The following ADAMTS3 variants were observed in gnomAD, a reference collection of about 807,000 sequenced individuals.
ADAMTS3 encodes the protein A disintegrin and metalloproteinase with thrombospondin motifs 3.
A neutral mutation model predicts 129.0 loss-of-function variants in ADAMTS3; 73 were observed. The ratio of observed to expected loss-of-function variants is 0.57; its 90% CI spans 0.47 to 0.69. The LOEUF is 0.69. ADAMTS3 is among the 30% of genes least tolerant of loss of function. The probability of loss-of-function intolerance (pLI) is 0.00; values close to 1 mark genes in which losing one functional copy is unlikely to be tolerated. For synonymous variants in ADAMTS3, 477 were observed against 510.8 expected (o/e 0.93, Z 0.89); for missense variants, 1,457 against 1,514.5 (o/e 0.96, Z 0.63).
chr4:72,461,167 A>G (rs1718758877), intron 3 of ADAMTS3, among the ~76,000 whole-genome samples: 1 of 151,730 alleles, frequency 6.6e-6, no homozygotes, highest in Non-Finnish European at 1.5e-5. Context: ...AAAACCCATT[A>G]AGAAGAATGT....
At chr4:72,482,628 A>G (rs1719469431) in intron 3 of ADAMTS3, among the ~76,000 whole-genome samples, 3 of 152,180 alleles carry the variant, frequency 2.0e-5, no homozygotes, top group Admixed American at 6.5e-5. Flanking sequence ...TGGTAATATC[A>G]TACTGTAGTT....
intron 10 of ADAMTS3, 73 bp from the exon 11 acceptor site, chr4:72,316,044 A>C (rs1719387757): frequency 2.4e-6 from 2 of 839,410 alleles, no homozygotes; most frequent in Non-Finnish European, 3.7e-6. Flanking sequence ...TATTCTATAC[A>C]GTTTCTTCTG....
At chr4:72,295,532 T>A (rs1718781872) in intron 19 of ADAMTS3, 122 bp downstream of exon 19, 1 of 1,002,066 alleles carries the variant, frequency 1.0e-6, no homozygotes, top group Non-Finnish European at 1.4e-6. Flanking sequence ...TGAAGTGACT[T>A]GACTATTTAA....
chr4:72,393,787 G>C (rs1442747237), intron 4 of ADAMTS3, among the ~76,000 whole-genome samples: 1 of 152,174 alleles, frequency 6.6e-6, no homozygotes, highest in Non-Finnish European at 1.5e-5. Context: ...TTAATGAACT[G>C]ATGATCCAGG....
At chr4:72,517,553 G>C (rs1421727976) in intron 3 of ADAMTS3, among the ~76,000 whole-genome samples, 1 of 152,100 alleles carries the variant, frequency 6.6e-6, no homozygotes, top group Non-Finnish European at 1.5e-5. Context: ...CTTCTTCCTG[G>C]TTTAGTCTTG....
At chr4:72,478,510 T>G (rs1181189236) in intron 3 of ADAMTS3, among the ~76,000 whole-genome samples, 2 of 149,448 alleles carry the variant, frequency 1.3e-5, no homozygotes, top group Non-Finnish European at 1.5e-5. Flanking sequence ...TGCTAAAAAC[T>G]CTCAATAAAT....
intron 3 of ADAMTS3, among the ~76,000 whole-genome samples, chr4:72,517,192 G>C (rs1169707865): frequency 1.3e-5 from 2 of 152,152 alleles, no homozygotes; most frequent in African/African-American, 2.4e-5. Flanking sequence ...AAGCCCACTT[G>C]ATCATGGTGG....
intron 3 of ADAMTS3, among the ~76,000 whole-genome samples, chr4:72,456,899 G>A (rs1718637784): frequency 6.6e-6 from 1 of 151,656 alleles, no homozygotes; most frequent in Non-Finnish European, 1.5e-5. Flanking sequence ...AAAGACAAAA[G>A]AAAGTCTTTG....
intron 3 of ADAMTS3, among the ~76,000 whole-genome samples, chr4:72,469,456 A>G (rs1408483943): frequency 6.6e-6 from 1 of 152,102 alleles, no homozygotes; most frequent in Non-Finnish European, 1.5e-5. Context: ...AGTTGTTGTG[A>G]GAATTAAAGG....
At chr4:72,480,826 T>C (rs973953796) in intron 3 of ADAMTS3, among the ~76,000 whole-genome samples, 2 of 150,242 alleles carry the variant, frequency 1.3e-5, no homozygotes, top group Non-Finnish European at 3.0e-5. Context: ...AAGGAACTCA[T>C]TAAAAAGCTC....
rs1048124451 is a variant in ADAMTS3 at position 72,427,522 on chromosome 4, A to G, written c.505-12551T>C. On this transcript the variant is annotated intron_variant, in intron 3 of 21. Coordinates refer to ENST00000286657, the MANE Select transcript of ADAMTS3 (RefSeq NM_014243.3). Reference sequence around the variant, plus strand: ...GAATAGAGGTAAGGCACAAGAATGCATTTATCAGGGCTCTCTGCTGTAACA... The same window carrying G: ...GAATAGAGGTAAGGCACAAGAATGCGTTTATCAGGGCTCTCTGCTGTAACA... 2.6e-5 allele frequency among the ~76,000 whole-genome samples: 4 copies of G among 152,088 alleles called. No individual in the cohort carries two copies. The East Asian group carries it at 7.8e-4, about 29-fold the overall frequency.
chr4:72,437,964 G>T (rs376716116), intron 3 of ADAMTS3, among the ~76,000 whole-genome samples: 3 of 151,716 alleles, frequency 2.0e-5, no homozygotes, highest in Admixed American at 2.0e-4. Context: ...TTAGCTTGAT[G>T]AAACTGTTTC....
At chr4:72,519,760 C>T (rs1240755730) in intron 3 of ADAMTS3, among the ~76,000 whole-genome samples, 1 of 152,094 alleles carries the variant, frequency 6.6e-6, no homozygotes, top group Non-Finnish European at 1.5e-5. Context: ...TCAAAGTTTT[C>T]AACTTCTTTG....
chr4:72,407,873 G>A (rs550921420), intron 4 of ADAMTS3, among the ~76,000 whole-genome samples: 44 of 148,068 alleles, frequency 3.0e-4, no homozygotes, highest in African/African-American at 1.1e-3. Flanking sequence ...GCTGTATATA[G>A]TTGGTTGTTT....
intron 3 of ADAMTS3, among the ~76,000 whole-genome samples, chr4:72,506,843 C>G (rs1265628013): frequency 6.6e-6 from 1 of 152,210 alleles, no homozygotes; most frequent in East Asian, 1.9e-4. Context: ...CCACCAGGAT[C>G]TGGGATGTCC....
intron 3 of ADAMTS3, among the ~76,000 whole-genome samples, chr4:72,437,473 A>T (rs954839132): frequency 6.6e-6 from 1 of 151,734 alleles, no homozygotes. Flanking sequence ...TTGCCCATGG[A>T]TCTGTATCCT....
intron 3 of ADAMTS3, among the ~76,000 whole-genome samples, chr4:72,542,303 T>C (rs556785127): frequency 2.6e-5 from 4 of 152,214 alleles, no homozygotes; most frequent in East Asian, 3.9e-4. Context: ...TCGCTGGGAC[T>C]ACAGGCGCCC....
Position 72,339,615 on chromosome 4 carries a change from C to T in ADAMTS3, c.740G>A (p.Arg247His), listed in dbSNP as rs762763954. The change falls in exon 5 of 22, where the codon CGC (arginine) becomes CAC (histidine). Residue 247 changes from arginine (R) to histidine (H), a missense_variant. Transcript: ENST00000286657. ...IHQQLNETMR[R>H]RRHAGENDYN... Reference sequence around the variant, plus strand: ...ATCGTTTTCTCCCGCGTGTCTGCGGCGTCTCATTGTTTCATTCAGCTGCTG... The same window carrying T: ...ATCGTTTTCTCCCGCGTGTCTGCGGTGTCTCATTGTTTCATTCAGCTGCTG... The T allele has an allele frequency of 1.1e-5, 18 of 1,613,944 alleles. No individual in the cohort carries two copies. Among genetic ancestry groups the T allele is most frequent in the Non-Finnish European group, 1.5e-5 (18 of 1,179,894 alleles).
intron 4 of ADAMTS3, among the ~76,000 whole-genome samples, chr4:72,391,153 G>T (rs1459859334): frequency 6.6e-6 from 1 of 152,106 alleles, no homozygotes; most frequent in African/African-American, 2.4e-5. Context: ...GGGAAGAAAG[G>T]GTAGTTAGAG....
Sources: allele counts gnomAD v4.1 joint callset (sites outside exome capture counted in the v4.1 genomes callset), GRCh38; gene constraint gnomAD v4.1.1; transcripts MANE v1.5; gene names NCBI Gene and HGNC (gene_info 2026-07-23, HGNC 2026-07-21).